The following DIAPH2 variants were observed in gnomAD, a reference collection of about 807,000 sequenced individuals.
The protein encoded by DIAPH2 is protein diaphanous homolog 2.
Under a neutral mutation model 92.7 loss-of-function variants are expected in DIAPH2, and 35 were observed. The ratio of observed to expected loss-of-function variants is 0.38; its 90% CI spans 0.29 to 0.50. The LOEUF (loss-of-function observed/expected upper bound fraction) is 0.50. Ranked by LOEUF, DIAPH2 falls within the 20% of genes least tolerant of loss-of-function variation. DIAPH2 has a pLI of 0.94. For missense variants in DIAPH2, 701 were observed against 819.5 expected, an observed-to-expected ratio of 0.86 and a Z score of 1.77; for synonymous variants, 301 against 280.4, an observed-to-expected ratio of 1.07 and a Z score of -0.73.
chrX:97,436,741 G>T (rs2070190787), intron 26 of DIAPH2, among the ~76,000 whole-genome samples: 1 of 111,120 alleles, frequency 9.0e-6, no homozygotes, highest in Non-Finnish European at 1.9e-5. Context: ...GTTATCAGGG[G>T]GCATTTCACA....
chrX:96,969,963 A>T lies in DIAPH2; in HGVS notation c.2050+4756A>T, dbSNP rs751499676. ...CTGGATCTTATTGATGGCTTTTTCC[A>T]TGTCTATGGAGATGATCATATGGTT... On this transcript the variant is annotated intron_variant, in intron 17 of 26. Transcript: ENST00000324765. 9.9e-5 allele frequency among the ~76,000 whole-genome samples: 11 copies of T among 111,650 alleles called. No homozygotes were observed. The South Asian group carries it at 4.1e-3, about 42-fold the overall frequency.
intron 26 of DIAPH2, among the ~76,000 whole-genome samples, chrX:97,546,205 A>G (rs1222556135): frequency 9.0e-6 from 1 of 111,652 alleles, no homozygotes; most frequent in African/African-American, 3.3e-5. Context: ...ACTGGTACTA[A>G]CAATTATTGA....
chrX:97,386,944 A>G (rs1266587463), intron 25 of DIAPH2, among the ~76,000 whole-genome samples: 1 of 111,611 alleles, frequency 9.0e-6, no homozygotes, highest in African/African-American at 3.3e-5. Flanking sequence ...CTTTTCTGCT[A>G]TGCCAAGGGT....
At chrX:97,049,321 C>G (rs1037858666) in intron 17 of DIAPH2, among the ~76,000 whole-genome samples, 8 of 110,624 alleles carry the variant, frequency 7.2e-5, no homozygotes, top group Admixed American at 6.7e-4. Flanking sequence ...TATTCATACT[C>G]TAGTTGAGTT....
intron 4 of DIAPH2, among the ~76,000 whole-genome samples, chrX:96,844,327 C>A (rs1186792397): frequency 1.8e-5 from 2 of 112,421 alleles, no homozygotes; most frequent in African/African-American, 3.2e-5. Context: ...ACCATTTAAA[C>A]CACCATCAAT....
intron 17 of DIAPH2, among the ~76,000 whole-genome samples, chrX:97,033,210 C>T (rs2066388354): frequency 5.4e-5 from 6 of 112,098 alleles, no homozygotes; most frequent in Admixed American, 2.8e-4. Flanking sequence ...ACTAGATATC[C>T]ATTCCGTGTC....
intron 17 of DIAPH2, among the ~76,000 whole-genome samples, chrX:96,974,278 G>C (rs2065947048): frequency 8.9e-6 from 1 of 112,063 alleles, no homozygotes; most frequent in Non-Finnish European, 1.9e-5. Context: ...AAGAATTAGG[G>C]TTTTATTCTT....
intron 23 of DIAPH2, among the ~76,000 whole-genome samples, chrX:97,346,967 A>G (rs1056461267): frequency 9.1e-6 from 1 of 110,329 alleles, no homozygotes; most frequent in Admixed American, 9.7e-5. Flanking sequence ...ATTTTGGGGA[A>G]GTGTGTCTTG....
intron 19 of DIAPH2, among the ~76,000 whole-genome samples, chrX:97,078,258 T>C (rs2066718504): frequency 9.0e-6 from 1 of 111,721 alleles, no homozygotes; most frequent in Admixed American, 9.6e-5. Context: ...GAAAAAAAGA[T>C]GATCAACATA....
chrX:97,239,117 A>C (rs920048150), intron 22 of DIAPH2, among the ~76,000 whole-genome samples: 1 of 112,071 alleles, frequency 8.9e-6, no homozygotes, highest in Admixed American at 9.5e-5. Flanking sequence ...TTATATTTAC[A>C]TAGAATTACA....
chrX:96,737,841 T>G (rs1450482394), intron 2 of DIAPH2, among the ~76,000 whole-genome samples: 2 of 111,813 alleles, frequency 1.8e-5, no homozygotes, highest in Non-Finnish European at 3.8e-5. Context: ...TGCTTCCTCA[T>G]TGGCCCAACA....
intron 1 of DIAPH2, among the ~76,000 whole-genome samples, chrX:96,693,426 A>G (rs959217527): frequency 8.9e-6 from 1 of 112,452 alleles, no homozygotes; most frequent in African/African-American, 3.2e-5. Flanking sequence ...AAAGTCTTAA[A>G]TGCTTAGTAG....
intron 26 of DIAPH2, among the ~76,000 whole-genome samples, chrX:97,592,139 T>C (rs2071521856): frequency 8.9e-6 from 1 of 112,375 alleles, no homozygotes; most frequent in Admixed American, 9.4e-5. Context: ...TCTACATTTG[T>C]AGTTTAATGT....
intron 17 of DIAPH2, among the ~76,000 whole-genome samples, chrX:97,039,639 C>T (rs1179844714): frequency 1.8e-5 from 2 of 111,372 alleles, no homozygotes; most frequent in East Asian, 5.6e-4. Context: ...GTGACAGTCT[C>T]TTGGCAGGAT....
intron 1 of DIAPH2, among the ~76,000 whole-genome samples, chrX:96,700,782 A>G (rs2063850935): frequency 1.8e-5 from 2 of 111,934 alleles, no homozygotes; most frequent in African/African-American, 6.5e-5. Flanking sequence ...ACCAGACTGT[A>G]TTATTCTGTT....
chrX:97,045,340 TGTTGGAAATGTTGTTTGGTAA>T (rs2066474073), intron 17 of DIAPH2, among the ~76,000 whole-genome samples: 1 of 111,702 alleles, frequency 9.0e-6, no homozygotes, highest in African/African-American at 3.3e-5. Flanking sequence ...ACTGAAATCA[TGTTGGAAATGTTGTTTGGTAA>T]GTAGTAACTA....
intron 26 of DIAPH2, among the ~76,000 whole-genome samples, chrX:97,467,704 C>T (rs1234748216): frequency 8.9e-6 from 1 of 112,126 alleles, no homozygotes; most frequent in Non-Finnish European, 1.9e-5. Flanking sequence ...TGCATATACA[C>T]TTGTGGCTCT....
intron 4 of DIAPH2, among the ~76,000 whole-genome samples, chrX:96,856,643 A>G (rs191522659): frequency 1.4e-4 from 16 of 110,450 alleles, no homozygotes; most frequent in Non-Finnish European, 9.5e-5. Context: ...TGATCATTCA[A>G]AACTGCCTGT....
chrX:97,509,678 T>G (rs1290785264), intron 26 of DIAPH2, among the ~76,000 whole-genome samples: 1 of 103,064 alleles, frequency 9.7e-6, no homozygotes, highest in African/African-American at 3.6e-5. Flanking sequence ...CCCACAACAG[T>G]CCCCAGAGTG....
Sources: gnomAD v4.1 joint callset for allele counts (sites outside exome capture counted in the v4.1 genomes callset) on GRCh38, gnomAD v4.1.1 for gene constraint, MANE v1.5 for transcripts, NCBI Gene and HGNC (gene_info 2026-07-23, HGNC 2026-07-21) for gene names.